Variants in KCNIP4 observed in about 807,000 individuals in gnomAD.
KCNIP4 encodes Kv channel-interacting protein 4.
Under a neutral mutation model 34.0 loss-of-function variants are expected in KCNIP4, and 12 were observed. That is an observed-to-expected ratio of 0.35 (90% CI 0.23 to 0.57). The LOEUF (loss-of-function observed/expected upper bound fraction) is 0.57, where lower values mean the gene tolerates loss of function less well. Among genes scored for constraint, KCNIP4 ranks in the 20% least tolerant of loss-of-function variants. The pLI is 0.83. For synonymous variants in KCNIP4, 124 were observed against 102.2 expected (o/e 1.21, Z -1.29); for missense variants, 238 against 311.7 (o/e 0.76, Z 1.78).
At chr4:21,182,673 T>C (rs764561328) in intron 1 of KCNIP4, among the ~76,000 whole-genome samples, 2 of 152,098 alleles carry the variant, frequency 1.3e-5, no homozygotes, top group Non-Finnish European at 2.9e-5. Context: ...CCATTCTCCA[T>C]GTCCGTGTGT....
At chr4:21,666,887 T>C (rs1176693289) in intron 1 of KCNIP4, among the ~76,000 whole-genome samples, 2 of 152,188 alleles carry the variant, frequency 1.3e-5, no homozygotes, top group Non-Finnish European at 2.9e-5. Flanking sequence ...TTTCTTCAAC[T>C]TCAGACCTTT....
intron 1 of KCNIP4, chr4:21,608,899 A>G (rs1743928387): frequency 1.3e-5 from 2 of 152,210 alleles, no homozygotes; most frequent in African/African-American, 4.8e-5. Context: ...ATGTACTTCA[A>G]GAATGCAGCA....
chr4:21,827,201 A>G (rs1722727821), intron 1 of KCNIP4, among the ~76,000 whole-genome samples: 1 of 152,064 alleles, frequency 6.6e-6, no homozygotes, highest in South Asian at 2.1e-4. Flanking sequence ...CACTCTAAAT[A>G]GGTGCTCAGC....
intron 1 of KCNIP4, among the ~76,000 whole-genome samples, chr4:21,315,939 T>A (rs896882921): frequency 2.0e-5 from 3 of 152,176 alleles, no homozygotes; most frequent in Non-Finnish European, 4.4e-5. Flanking sequence ...CAAGGAACTA[T>A]CCATCCTCAT....
intron 1 of KCNIP4, among the ~76,000 whole-genome samples, chr4:21,010,623 C>G (rs376557555): frequency 6.6e-6 from 1 of 152,192 alleles, no homozygotes; most frequent in Admixed American, 6.5e-5. Flanking sequence ...AGGAACAAAA[C>G]TGGGACAGAT....
intron 1 of KCNIP4, among the ~76,000 whole-genome samples, chr4:21,908,032 T>C (rs1329302645): frequency 6.6e-6 from 1 of 152,174 alleles, no homozygotes; most frequent in Non-Finnish European, 1.5e-5. Context: ...AATGGGAGGT[T>C]ACTCTCTCTG....
intron 1 of KCNIP4, among the ~76,000 whole-genome samples, chr4:21,058,182 T>C (rs1193145673): frequency 6.6e-6 from 1 of 151,972 alleles, no homozygotes; most frequent in Non-Finnish European, 1.5e-5. Context: ...AAGGCAGAAA[T>C]GAGGAAAGAT....
chr4:21,103,748 C>A (rs57528517), intron 1 of KCNIP4, among the ~76,000 whole-genome samples: 33,425 of 124,696 alleles, frequency 0.27, 5,224 homozygotes, highest in African/African-American at 0.41. Flanking sequence ...CCCCACCACA[C>A]AACAGGCCCC....
rs140491874 is a variant in KCNIP4, at chr4:21,021,616, C to T, written c.62-138907G>A. On this transcript the variant is annotated intron_variant, in intron 1 of 8. Coordinates refer to ENST00000382152, the MANE Select transcript of KCNIP4 (RefSeq NM_025221.6). Reference sequence around the variant, plus strand: ...GTTAAAGGCTAAGACACAAACACAACATTAGCCTAGACCTATACATGGCCA... The same window carrying T: ...GTTAAAGGCTAAGACACAAACACAATATTAGCCTAGACCTATACATGGCCA... 3.5e-4 allele frequency among the ~76,000 whole-genome samples: 54 copies of T among 152,140 alleles called. No individual in the cohort carries two copies. The East Asian group carries it at 9.7e-3, about 27-fold the overall frequency.
At chr4:20,946,904 A>G (rs1376019775) in intron 1 of KCNIP4, among the ~76,000 whole-genome samples, 1 of 152,156 alleles carries the variant, frequency 6.6e-6, no homozygotes, top group Non-Finnish European at 1.5e-5. Context: ...GTTGCATGCA[A>G]AAATACTAGG....
chr4:20,916,737 A>G (rs888251296), intron 1 of KCNIP4, among the ~76,000 whole-genome samples: 7 of 151,896 alleles, frequency 4.6e-5, no homozygotes, highest in Non-Finnish European at 8.8e-5. Flanking sequence ...TTCAGCTATC[A>G]AAGCCATTTG....
intron 1 of KCNIP4, among the ~76,000 whole-genome samples, chr4:21,934,002 C>T (rs1261746390): frequency 2.0e-5 from 3 of 152,086 alleles, no homozygotes; most frequent in Admixed American, 2.0e-4. Flanking sequence ...ATGACTTATT[C>T]TGGCAGGACA....
intron 1 of KCNIP4, among the ~76,000 whole-genome samples, chr4:21,459,011 G>C (rs565564145): frequency 6.6e-6 from 1 of 151,774 alleles, no homozygotes; most frequent in Non-Finnish European, 1.5e-5. Context: ...TTTCCCCTAC[G>C]TTATCACTGT....
intron 1 of KCNIP4, among the ~76,000 whole-genome samples, chr4:21,069,290 G>T (rs1236415813): frequency 6.6e-6 from 1 of 151,838 alleles, no homozygotes; most frequent in Non-Finnish European, 1.5e-5. Context: ...TTACACAGCT[G>T]CCTTTTAGAA....
At chr4:20,750,454 CTCTG>C (rs1753411655) in intron 4 of KCNIP4, among the ~76,000 whole-genome samples, 1 of 152,128 alleles carries the variant, frequency 6.6e-6, no homozygotes, top group South Asian at 2.1e-4. Flanking sequence ...GGAGCCCCTA[CTCTG>C]TCTGGGTCCT....
At chr4:21,204,205 A>T (rs939673832) in intron 1 of KCNIP4, among the ~76,000 whole-genome samples, 11 of 151,908 alleles carry the variant, frequency 7.2e-5, no homozygotes, top group African/African-American at 2.7e-4. Flanking sequence ...TCTCTCTTTA[A>T]TGCATGTGCT....
chr4:20,887,249 T>C (rs1725416448), intron 1 of KCNIP4, among the ~76,000 whole-genome samples: 1 of 152,026 alleles, frequency 6.6e-6, no homozygotes, highest in South Asian at 2.1e-4. Context: ...GCTTTACTCA[T>C]CTGTGCATCA....
chr4:21,773,541 G>A (rs554640221), intron 1 of KCNIP4, among the ~76,000 whole-genome samples: 1 of 152,230 alleles, frequency 6.6e-6, no homozygotes, highest in South Asian at 2.1e-4. Flanking sequence ...CTATTATTGT[G>A]TGGCAGTCTA....
At chr4:21,787,593 C>A (rs1373714691) in intron 1 of KCNIP4, among the ~76,000 whole-genome samples, 1 of 152,190 alleles carries the variant, frequency 6.6e-6, no homozygotes, top group Non-Finnish European at 1.5e-5. Flanking sequence ...AATTAATTTA[C>A]ACATAGTCCT....
Sources: allele counts gnomAD v4.1 joint callset (sites outside exome capture counted in the v4.1 genomes callset), GRCh38; gene constraint gnomAD v4.1.1; transcripts MANE v1.5; gene names NCBI Gene and HGNC (gene_info 2026-07-23, HGNC 2026-07-21).